The following SREK1 variants were observed in gnomAD, a reference collection of about 807,000 sequenced individuals.
SREK1 encodes splicing regulatory glutamic acid and lysine rich protein 1, also known as splicing regulatory glutamine/lysine-rich protein 1.
Under a neutral mutation model 66.5 loss-of-function variants are expected in SREK1, and 13 were observed. That is an observed-to-expected ratio of 0.20 (90% CI 0.13 to 0.31). SREK1 has a LOEUF of 0.31. Among genes scored for constraint, SREK1 ranks in the 10% least tolerant of loss-of-function variants. SREK1 has a pLI of 1.00. For synonymous variants in SREK1, 265 were observed against 263.5 expected, an observed-to-expected ratio of 1.01 and a Z score of -0.05; for missense variants, 607 against 769.6, an observed-to-expected ratio of 0.79 and a Z score of 2.50.
intron 1 of SREK1, 65 bp downstream of exon 1, chr5:66,144,602 TGGA>T: frequency 6.7e-7 from 1 of 1,489,438 alleles, no homozygotes; most frequent in Admixed American, 2.4e-5. Flanking sequence ...AGCCGAGGCG[TGGA>T]GGAGAGCGCG....
At chr5:66,162,313 ATTCT>A (rs1264996130) in intron 4 of SREK1, 40 bp downstream of exon 4, 1 of 1,608,416 alleles carries the variant, frequency 6.2e-7, no homozygotes, top group African/African-American at 1.3e-5. Flanking sequence ...AGTAGCCCTT[ATTCT>A]TTTTCTCTTC....
At chr5:66,157,343 C>G (rs1181244364) in intron 2 of SREK1, 2 of 982,502 alleles carry the variant, frequency 2.0e-6, no homozygotes, top group Non-Finnish European at 2.4e-6. Flanking sequence ...ACAATGTCTT[C>G]AATAGGTAGT....
chr5:66,159,074 G>A, intron 2 of SREK1, 145 bp from the exon 3 acceptor site: 11 of 1,421,954 alleles, frequency 7.7e-6, no homozygotes, highest in Non-Finnish European at 1.0e-5. Flanking sequence ...AAAGACTTAA[G>A]TTCTTATTTA....
At chr5:66,162,766 C>A in intron 5 of SREK1, 174 bp downstream of exon 5, 1 of 559,902 alleles carries the variant, frequency 1.8e-6, no homozygotes, top group Non-Finnish European at 2.9e-6. Flanking sequence ...TCTTTAAATT[C>A]CTTTATTTAG....
chr5:66,164,585 C>CTGGTTTATATGTACTGCTGCAGGG (rs1745023309), intron 6 of SREK1, 198 bp from the exon 7 acceptor site: 1 of 1,512,970 alleles, frequency 6.6e-7, no homozygotes, highest in Admixed American at 2.0e-5. Context: ...TTATAATCAT[C>CTGGTTTATATGTACTGCTGCAGGG]TGGTTTATAT....
chr5:66,144,595 C>G (rs752553399), intron 1 of SREK1, 58 bp downstream of exon 1: 3 of 1,506,700 alleles, frequency 2.0e-6, no homozygotes, highest in Non-Finnish European at 2.7e-6. Context: ...CCTCGGGAGC[C>G]GAGGCGTGGA....
rs780392285 is a variant in SREK1 at position 66,144,425 on chromosome 5, C to T, written c.49C>T (p.Pro17Ser). ...FGLGLGFGLT[P>S]TSVIQVTNLS... Reference sequence around the variant, plus strand: ...TTTGGGCTTAGGCTTCGGCCTCACCCCCACGTCGGTGATTCAGGTGACGAA... The same window carrying T: ...TTTGGGCTTAGGCTTCGGCCTCACCTCCACGTCGGTGATTCAGGTGACGAA... Residue 17 changes from proline to serine, a missense_variant, in exon 1 of 12, where the codon CCC becomes TCC. This residue lies in a region of SREK1 where 75 missense variants were observed against 72.9 expected (regional missense o/e 1.03). Coordinates refer to ENST00000334121, the MANE Select transcript of SREK1 (RefSeq NM_001077199.3). 1.2e-5 allele frequency: 18 copies of T among 1,551,682 alleles called. No homozygotes were observed. The East Asian group carries it at 3.7e-4, about 32-fold the overall frequency.
intron 10 of SREK1, 61 bp downstream of exon 10, chr5:66,175,102 T>A: frequency 5.3e-6 from 7 of 1,332,218 alleles, no homozygotes; most frequent in Non-Finnish European, 7.2e-6. Flanking sequence ...TTTTGAAATT[T>A]TAAATTTCTC....
rs1561521887 is a variant in SREK1, at chr5:66,179,303, G to A, written c.*435G>A. The A allele has an allele frequency of 1.3e-5, 2 of 152,566 alleles. No individual in the cohort carries two copies. The highest frequency in any genetic ancestry group is 1.3e-4 in the Admixed American group (2 of 15,256). The allele number at this position is 152,566 out of a possible 1,614,324, so 9.5% of individuals were successfully genotyped here. On this transcript the variant is annotated 3_prime_UTR_variant, in exon 12 of 12. Transcript: ENST00000334121. Reference sequence around the variant, plus strand: ...ATTTCAATATATACAGTTTGATGATGTGCTTGAAATTGGTGCAAATATATA... The same window carrying A: ...ATTTCAATATATACAGTTTGATGATATGCTTGAAATTGGTGCAAATATATA...
At chr5:66,156,366 C>T (rs766450533) in intron 2 of SREK1, 11 of 1,219,320 alleles carry the variant, frequency 9.0e-6, no homozygotes, top group African/African-American at 6.3e-5. Context: ...GGGTTCATAA[C>T]GTGTTGCAAA....
At chr5:66,171,345 CTCTT>C (rs1289328625) in intron 9 of SREK1, among the ~76,000 whole-genome samples, 3 of 152,068 alleles carry the variant, frequency 2.0e-5, no homozygotes, top group Admixed American at 1.3e-4. Flanking sequence ...AGTGTTAGCC[CTCTT>C]TGTCACCTAA....
chr5:66,157,447 T>TG (rs1345575207), intron 2 of SREK1: 2 of 985,140 alleles, frequency 2.0e-6, no homozygotes, highest in East Asian at 1.1e-4. Flanking sequence ...GTAGTGACGA[T>TG]GGAGTTTCTG....
intron 7 of SREK1, chr5:66,168,842 C>A (rs1745384318): frequency 6.6e-6 from 1 of 152,136 alleles, no homozygotes; most frequent in Non-Finnish European, 1.5e-5. Context: ...ATGATGATGA[C>A]ATTGAGAGTT....
intron 3 of SREK1, among the ~76,000 whole-genome samples, chr5:66,161,246 T>C (rs941355293): frequency 1.1e-4 from 17 of 152,206 alleles, no homozygotes; most frequent in African/African-American, 3.6e-4. Flanking sequence ...TACAGTTGAT[T>C]CTCATTCTTT....
chr5:66,163,946 AG>A (rs1203151135), intron 6 of SREK1, 24 bp downstream of exon 6: 1 of 1,606,148 alleles, frequency 6.2e-7, no homozygotes, highest in African/African-American at 1.3e-5. Flanking sequence ...GTTGTTACAT[AG>A]GTCATAGTTT....
At chr5:66,154,997 C>T (rs926832770) in intron 2 of SREK1, among the ~76,000 whole-genome samples, 3 of 152,090 alleles carry the variant, frequency 2.0e-5, no homozygotes, top group Admixed American at 1.3e-4. Context: ...AAAATTAATA[C>T]CACCAATAAC....
intron 3 of SREK1, among the ~76,000 whole-genome samples, chr5:66,160,030 C>CGAGGCTGGAGAATGGCGT (rs1410740149): frequency 1.3e-5 from 2 of 151,822 alleles, no homozygotes; most frequent in African/African-American, 4.8e-5. Context: ...CTCGGGAGGC[C>CGAGGCTGGAGAATGGCGT]GAGGCTGGAG....
rs75146333 is a variant in SREK1, at chr5:66,159,379, G to C, written c.411+45G>C. The C allele has an allele frequency of 9.6e-3, 14,246 of 1,479,444 alleles. 100 individuals carry two copies. Among genetic ancestry groups the C allele is most frequent in the East Asian group, 0.021 (905 of 42,408 alleles). 91.6% of individuals were successfully genotyped at this position (1,479,444 alleles called of 1,614,324 possible). On this transcript the variant is annotated intron_variant, in intron 3 of 11. Coordinates refer to ENST00000334121, the MANE Select transcript of SREK1 (RefSeq NM_001077199.3). The stretch of plus-strand genomic sequence containing the variant: ...TTATGAAAGAGGTGAATGTTCAACT[G>C]TGTGACCAGTTGAATAGAGAGCTTC...
chr5:66,146,146 A>AT (rs1373942552), intron 1 of SREK1, among the ~76,000 whole-genome samples: 1 of 152,176 alleles, frequency 6.6e-6, no homozygotes, highest in Non-Finnish European at 1.5e-5. Flanking sequence ...AGCCATCTCA[A>AT]TTTAAGTTCT....
Sources: allele counts gnomAD v4.1 joint callset (sites outside exome capture counted in the v4.1 genomes callset), GRCh38; gene constraint gnomAD v4.1.1; regional missense constraint gnomAD v4.1.1; transcripts MANE v1.5; gene names NCBI Gene and HGNC (gene_info 2026-07-23, HGNC 2026-07-21).